Variants in KCNB2 observed in about 807,000 individuals in gnomAD.
KCNB2 encodes delayed rectifier potassium channel protein.
A neutral mutation model predicts 61.5 loss-of-function variants in KCNB2; 15 were observed. That is an observed-to-expected ratio of 0.24 (90% confidence interval 0.16 to 0.38). The LOEUF (loss-of-function observed/expected upper bound fraction) is 0.38. Ranked by LOEUF, KCNB2 falls within the 10% of genes least tolerant of loss-of-function variation. The pLI is 1.00. For missense variants in KCNB2, 828 were observed against 1,125.2 expected (o/e 0.74, Z 3.78); for synonymous variants, 457 against 446.0 (o/e 1.02, Z -0.31).
At chr8:72,562,397 C>T (rs567292533) in intron 1 of KCNB2, among the ~76,000 whole-genome samples, 33 of 152,290 alleles carry the variant, frequency 2.2e-4, no homozygotes, top group Middle Eastern at 6.8e-3. Flanking sequence ...GCTGTAGAAG[C>T]AGGGTGCAGC....
chr8:72,635,332 A>C (rs1246898466), intron 2 of KCNB2, among the ~76,000 whole-genome samples: 1 of 152,162 alleles, frequency 6.6e-6, no homozygotes, highest in Non-Finnish European at 1.5e-5. Context: ...AGTGCTACTA[A>C]AGCAATGTAA....
intron 2 of KCNB2, among the ~76,000 whole-genome samples, chr8:72,663,527 T>C (rs1806413463): frequency 6.6e-6 from 1 of 152,184 alleles, no homozygotes; most frequent in Non-Finnish European, 1.5e-5. Flanking sequence ...GTCTATAGGC[T>C]CACCACTCCC....
In KCNB2 at chr8:72,873,030, A is replaced by G. The variant is rs147376560; in HGVS notation, c.580-62905A>G. Among the ~76,000 whole-genome samples, 243 of 152,264 alleles carry G rather than the reference A, an allele frequency of 1.6e-3. 1 individual carries two copies. The highest frequency in any genetic ancestry group is 5.6e-3 in the African/African-American group (231 of 41,546). ...TGATGAGGTGAATCACCTAGACTCC[A>G]CTGTGTGCACCGATGCAGCAGCACC... On this transcript the variant is annotated intron_variant, in intron 2 of 2. Transcript: ENST00000523207.
chr8:72,829,983 CAA>C (rs11351226), intron 2 of KCNB2, among the ~76,000 whole-genome samples: 365 of 120,236 alleles, frequency 3.0e-3, no homozygotes, highest in African/African-American at 4.6e-3. Context: ...GCTGCTGCTT[CAA>C]AAAAAAAAAA....
chr8:72,667,975 G>A (rs2246780), intron 2 of KCNB2, among the ~76,000 whole-genome samples: 25,887 of 152,156 alleles, frequency 0.17, 2,845 homozygotes, highest in African/African-American at 0.31. Flanking sequence ...CAGGCTTAGT[G>A]ATTCACTAGA....
intron 2 of KCNB2, among the ~76,000 whole-genome samples, chr8:72,690,190 C>T (rs1000158110): frequency 7.9e-5 from 12 of 152,134 alleles, no homozygotes; most frequent in South Asian, 2.1e-4. Flanking sequence ...TCATGTCACT[C>T]GCTCCCATGA....
chr8:72,805,011 C>T (rs773913639), intron 2 of KCNB2, among the ~76,000 whole-genome samples: 17 of 152,098 alleles, frequency 1.1e-4, no homozygotes, highest in Non-Finnish European at 1.6e-4. Context: ...GCGACTCTTC[C>T]GCTGGGCACT....
chr8:72,542,876 G>C (rs1806209980), intron 1 of KCNB2, among the ~76,000 whole-genome samples: 1 of 152,146 alleles, frequency 6.6e-6, no homozygotes, highest in African/African-American at 2.4e-5. Context: ...CAAGTCCTAA[G>C]CCAGTTATTA....
Position 72,700,349 on chromosome 8 carries a change from A to T in KCNB2, c.579+132036A>T, listed in dbSNP as rs1391902108. On this transcript the variant is annotated intron_variant, in intron 2 of 2. Transcript: ENST00000523207. Reference sequence around the variant, plus strand: ...GCACGTTCTGCACATGTATCCCAGAACTTAAAGTAAAATTAATTAATTAAT... The same window carrying T: ...GCACGTTCTGCACATGTATCCCAGATCTTAAAGTAAAATTAATTAATTAAT... Among the ~76,000 whole-genome samples the T allele has an allele frequency of 2.0e-5, 3 of 152,244 alleles. No homozygotes were observed. In the East Asian group the frequency reaches 5.8e-4, roughly 29 times the overall value.
At chr8:72,919,294 TCTC>T (rs200420357) in intron 2 of KCNB2, among the ~76,000 whole-genome samples, 2,586 of 152,128 alleles carry the variant, frequency 0.017, 29 homozygotes, top group Non-Finnish European at 0.03. Context: ...CACTAAGTCT[TCTC>T]CTTCTCTCAG....
At chr8:72,662,793 A>G (rs577950198) in intron 2 of KCNB2, among the ~76,000 whole-genome samples, 1 of 152,090 alleles carries the variant, frequency 6.6e-6, no homozygotes, top group South Asian at 2.1e-4. Context: ...GGCTTATTTC[A>G]CTCATTTTAC....
intron 2 of KCNB2, among the ~76,000 whole-genome samples, chr8:72,665,278 T>C (rs1237515453): frequency 6.6e-6 from 1 of 152,074 alleles, no homozygotes; most frequent in Non-Finnish European, 1.5e-5. Context: ...GGTCAATGGA[T>C]ACTGGTATAG....
intron 2 of KCNB2, among the ~76,000 whole-genome samples, chr8:72,842,265 T>C (rs1809905424): frequency 6.6e-6 from 1 of 152,240 alleles, no homozygotes; most frequent in Non-Finnish European, 1.5e-5. Context: ...GAATCAGGCT[T>C]GCATCCCTGG....
At chr8:72,772,489 C>G (rs1010061298) in intron 2 of KCNB2, among the ~76,000 whole-genome samples, 6 of 152,162 alleles carry the variant, frequency 3.9e-5, no homozygotes, top group Non-Finnish European at 7.3e-5. Context: ...TTTGAGGAAT[C>G]CCGAGATGAA....
intron 2 of KCNB2, among the ~76,000 whole-genome samples, chr8:72,640,467 A>C (rs1806036957): frequency 6.6e-6 from 1 of 152,122 alleles, no homozygotes; most frequent in South Asian, 2.1e-4. Context: ...CTGTCTTCTC[A>C]GACTGAAATC....
intron 2 of KCNB2, among the ~76,000 whole-genome samples, chr8:72,691,354 G>T (rs764839526): frequency 6.6e-6 from 1 of 152,284 alleles, no homozygotes; most frequent in South Asian, 2.1e-4. Context: ...GCCATAAAAA[G>T]AAAAGTCTTA....
intron 2 of KCNB2, among the ~76,000 whole-genome samples, chr8:72,862,654 A>G (rs1805437726): frequency 6.6e-6 from 1 of 152,228 alleles, no homozygotes; most frequent in African/African-American, 2.4e-5. Flanking sequence ...ATTCAATAAT[A>G]GCTGGCACTC....
At chr8:72,550,063 C>G (rs1194009300) in intron 1 of KCNB2, among the ~76,000 whole-genome samples, 2 of 152,230 alleles carry the variant, frequency 1.3e-5, no homozygotes, top group African/African-American at 4.8e-5. Flanking sequence ...TGGACACTTC[C>G]TCCCATCTCT....
intron 2 of KCNB2, among the ~76,000 whole-genome samples, chr8:72,890,623 G>T (rs1245142332): frequency 6.6e-6 from 1 of 152,126 alleles, no homozygotes; most frequent in Non-Finnish European, 1.5e-5. Flanking sequence ...CATAAACTTT[G>T]AACTCTTATT....
Sources: gnomAD v4.1 joint callset for allele counts (sites outside exome capture counted in the v4.1 genomes callset) on GRCh38, gnomAD v4.1.1 for gene constraint, MANE v1.5 for transcripts, NCBI Gene and HGNC (gene_info 2026-07-23, HGNC 2026-07-21) for gene names.